Variants in CDK5RAP2 observed in about 807,000 individuals in gnomAD.
CDK5RAP2 encodes CDK5 regulatory subunit-associated protein 2.
CDK5RAP2 carries 147 observed loss-of-function variants against 232.9 expected under a neutral mutation model. That is an observed-to-expected ratio of 0.63 (90% CI 0.55 to 0.72). The LOEUF is 0.72. CDK5RAP2 is among the 30% of genes least tolerant of loss of function. The pLI is 0.00. For missense variants in CDK5RAP2, 2,195 were observed against 2,231.5 expected (o/e 0.98, Z 0.33); for synonymous variants, 833 against 833.7 (o/e 1.00, Z 0.01).
At chr9:120,428,727 A>G (rs1040570701) in intron 25 of CDK5RAP2, among the ~76,000 whole-genome samples, 2 of 152,224 alleles carry the variant, frequency 1.3e-5, no homozygotes, top group African/African-American at 4.8e-5. Context: ...AATCAATAGA[A>G]AAAGAGGGAA....
chr9:120,444,121 T>C (rs1195772275), intron 22 of CDK5RAP2, among the ~76,000 whole-genome samples: 1 of 152,160 alleles, frequency 6.6e-6, no homozygotes, highest in African/African-American at 2.4e-5. Context: ...TGAGTGCAAA[T>C]GGCAAGCTAG....
chr9:120,394,456 G>T, intron 36 of CDK5RAP2, 56 bp downstream of exon 36: 1 of 1,612,594 alleles, frequency 6.2e-7, no homozygotes, highest in South Asian at 1.1e-5. Flanking sequence ...GCAGAACTGG[G>T]AGCCCTCGGA....
chr9:120,552,062 C>T (rs1405680710), intron 3 of CDK5RAP2, among the ~76,000 whole-genome samples: 2 of 151,656 alleles, frequency 1.3e-5, no homozygotes, highest in Non-Finnish European at 2.9e-5. Context: ...CAAAAGAAGA[C>T]ATTTATGCAG....
rs756543808 is a variant in CDK5RAP2 at position 120,518,598 on chromosome 9, C to A, written c.1140G>T (p.Ser380=). 3 of 1,613,566 alleles carry A rather than the reference C, an allele frequency of 1.9e-6. No homozygotes were observed. The highest frequency in any genetic ancestry group is 2.5e-6 in the Non-Finnish European group (3 of 1,179,948). ...ETALSGKEAL[S]AALRSQNLTK... ...TGAGGTTTTGTGAGCGCAGCGCAGCCGAAAGGGCTTCCTTTCCTGATAGAG... is the reference window on the plus strand; with the variant it reads ...TGAGGTTTTGTGAGCGCAGCGCAGCAGAAAGGGCTTCCTTTCCTGATAGAG... The change falls in exon 12 of 38, where the codon TCG becomes TCT. Residue 380 remains serine (S), a synonymous_variant. Coordinates refer to ENST00000349780, the MANE Select transcript of CDK5RAP2 (RefSeq NM_018249.6).
At chr9:120,563,652 T>C (rs764645859) in intron 3 of CDK5RAP2, among the ~76,000 whole-genome samples, 1 of 152,194 alleles carries the variant, frequency 6.6e-6, no homozygotes, top group Non-Finnish European at 1.5e-5. Flanking sequence ...GATCAGTAAG[T>C]GGCAGGGCCA....
chr9:120,419,732 G>T, intron 27 of CDK5RAP2, 56 bp downstream of exon 27: 1 of 1,364,268 alleles, frequency 7.3e-7, no homozygotes, highest in Non-Finnish European at 1.0e-6. Context: ...GGTTAAGATG[G>T]CAAATTATTG....
At chr9:120,421,744 A>G (rs1005019170) in intron 26 of CDK5RAP2, among the ~76,000 whole-genome samples, 10 of 152,232 alleles carry the variant, frequency 6.6e-5, no homozygotes, top group African/African-American at 2.4e-4. Flanking sequence ...CTGATCTCCA[A>G]CTACATGCCA....
chr9:120,538,454 A>T (rs2041488039), intron 6 of CDK5RAP2, among the ~76,000 whole-genome samples: 1 of 152,106 alleles, frequency 6.6e-6, no homozygotes, highest in African/African-American at 2.4e-5. Flanking sequence ...CAGTGACAGG[A>T]AATACCTAAC....
chr9:120,400,991 A>G (rs542982123), intron 34 of CDK5RAP2, 106 bp from the exon 35 acceptor site: 1 of 1,274,666 alleles, frequency 7.8e-7, no homozygotes, highest in South Asian at 1.3e-5. Context: ...CTTCTGTTTC[A>G]CACGCTGAGC....
In CDK5RAP2 at chr9:120,572,039, C is replaced by G; in HGVS notation, c.62G>C (p.Gly21Ala). ...GTCATCTGGTACACTGGGAACAAGG[C>G]CACTAGGAGAGAACACATGAGATAA... is the stretch of plus-strand genomic sequence containing the variant. ...TVPGTLSGCS[G>A]LVPSVPDDLD... Residue 21 changes from glycine to alanine, a missense_variant and splice_region_variant, in exon 2 of 38, where the codon GGC (glycine) becomes GCC (alanine). Coordinates refer to ENST00000349780, the MANE Select transcript of CDK5RAP2 (RefSeq NM_018249.6). 1 of 1,611,980 alleles carries G rather than the reference C, an allele frequency of 6.2e-7. No homozygotes were observed. Among genetic ancestry groups the G allele is most frequent in the Admixed American group, 1.7e-5 (1 of 60,024 alleles).
intron 17 of CDK5RAP2, among the ~76,000 whole-genome samples, chr9:120,468,321 T>C (rs1484418133): frequency 1.3e-5 from 2 of 152,352 alleles, no homozygotes; most frequent in African/African-American, 2.4e-5. Flanking sequence ...CTAAAGTCCC[T>C]GGCACGGTCT....
At position 120,453,748 on chromosome 9, in the gene CDK5RAP2, A is replaced by T. The variant is rs948193636; in HGVS notation, c.2501T>A (p.Val834Glu). ...AAATGAGTTGGTTTGGACAAAATGTACAAGTTCACCTTTTTGCTTAGGTGT... is the reference window on the plus strand; with the variant it reads ...AAATGAGTTGGTTTGGACAAAATGTTCAAGTTCACCTTTTTGCTTAGGTGT... ...EKTPKQKGELVHFVQTNSFSK... is the reference protein window; with the variant it reads ...EKTPKQKGELEHFVQTNSFSK... Residue 834 changes from valine (V) to glutamate (E), a missense_variant, in exon 21 of 38, where the codon GTA becomes GAA. Physicochemically the swap from Val to Glu is moderately radical, Grantham distance 121 (BLOSUM62 -2). Coordinates refer to ENST00000349780, the MANE Select transcript of CDK5RAP2 (RefSeq NM_018249.6). 6.2e-7 allele frequency: 1 copy of T among 1,614,106 alleles called. No individual in the cohort carries two copies. Among genetic ancestry groups the T allele is most frequent in the East Asian group, 2.2e-5 (1 of 44,898 alleles).
At chr9:120,502,257 A>G (rs1408286808) in intron 12 of CDK5RAP2, among the ~76,000 whole-genome samples, 3 of 152,258 alleles carry the variant, frequency 2.0e-5, no homozygotes, top group African/African-American at 2.4e-5. Flanking sequence ...ATAAATGTGT[A>G]TGTCATCCTA....
chr9:120,402,262 C>G (rs752385335), intron 34 of CDK5RAP2, among the ~76,000 whole-genome samples: 4 of 152,028 alleles, frequency 2.6e-5, no homozygotes, highest in Non-Finnish European at 5.9e-5. Context: ...CGCGCCACTG[C>G]ACTCCAGCCT....
intron 3 of CDK5RAP2, among the ~76,000 whole-genome samples, chr9:120,560,964 T>A (rs1395187371): frequency 1.3e-5 from 2 of 151,786 alleles, no homozygotes; most frequent in African/African-American, 4.8e-5. Context: ...ACACACACAG[T>A]AAAGCCTTTT....
chr9:120,509,948 T>TACACAC (rs145999949), intron 12 of CDK5RAP2, among the ~76,000 whole-genome samples: 4 of 150,438 alleles, frequency 2.7e-5, no homozygotes, highest in African/African-American at 9.8e-5. Context: ...TCACACCTAA[T>TACACAC]ACACACACAC....
intron 25 of CDK5RAP2, among the ~76,000 whole-genome samples, chr9:120,423,858 T>C (rs932939083): frequency 3.3e-5 from 5 of 152,222 alleles, no homozygotes; most frequent in Non-Finnish European, 7.3e-5. Flanking sequence ...TTGCTTTAAG[T>C]CTAGAAGTTC....
chr9:120,513,512 A>G (rs1411658857), intron 12 of CDK5RAP2, among the ~76,000 whole-genome samples: 1 of 152,010 alleles, frequency 6.6e-6, no homozygotes, highest in Non-Finnish European at 1.5e-5. Context: ...CAAAATCACC[A>G]TACCCTCTCC....
chr9:120,492,865 A>G (rs1221381086), intron 12 of CDK5RAP2, among the ~76,000 whole-genome samples: 1 of 152,248 alleles, frequency 6.6e-6, no homozygotes, highest in Non-Finnish European at 1.5e-5. Flanking sequence ...GAAGAAGTTA[A>G]AACTTGTCAC....
Sources: gnomAD v4.1 joint callset for allele counts (sites outside exome capture counted in the v4.1 genomes callset) on GRCh38, gnomAD v4.1.1 for gene constraint, MANE v1.5 for transcripts, NCBI Gene and HGNC (gene_info 2026-07-23, HGNC 2026-07-21) for gene names.